KDM2A: variants seen among roughly 807,000 people sequenced by gnomAD.
KDM2A encodes the protein lysine demethylase 2A.
A neutral mutation model predicts 137.3 loss-of-function variants in KDM2A; 3 were observed. The observed-to-expected ratio is 0.02, with a 90% CI of 0.01 to 0.06. The LOEUF (loss-of-function observed/expected upper bound fraction) is 0.06. Ranked by LOEUF, KDM2A falls within the 10% of genes least tolerant of loss-of-function variation. The pLI, the probability that KDM2A is intolerant of heterozygous loss-of-function variation, is 1.00. For synonymous variants in KDM2A, 512 were observed against 541.5 expected (o/e 0.95, Z 0.76); for missense variants, 738 against 1,510.6 (o/e 0.49, Z 8.48).
chr11:67,226,581 G>A (rs1182130368), intron 10 of KDM2A, among the ~76,000 whole-genome samples: 1 of 151,962 alleles, frequency 6.6e-6, no homozygotes, highest in African/African-American at 2.4e-5. Context: ...AATTAGCCGG[G>A]CGTGGTGGCG....
chr11:67,204,905 T>C (rs1857756812), intron 5 of KDM2A, among the ~76,000 whole-genome samples: 1 of 152,244 alleles, frequency 6.6e-6, no homozygotes, highest in Non-Finnish European at 1.5e-5. Context: ...ATTCATATCA[T>C]GGTAAACATT....
chr11:67,192,280 A>AT (rs1205653636), intron 5 of KDM2A, among the ~76,000 whole-genome samples: 2 of 152,110 alleles, frequency 1.3e-5, no homozygotes, highest in Non-Finnish European at 1.5e-5. Flanking sequence ...GTTTTTAAAC[A>AT]TTAACAAATG....
At chr11:67,187,790 T>A (rs969284987) in intron 5 of KDM2A, among the ~76,000 whole-genome samples, 5 of 152,114 alleles carry the variant, frequency 3.3e-5, no homozygotes, top group African/African-American at 1.2e-4. Flanking sequence ...GCCAGGCTGG[T>A]CACAAACTCC....
rs1859168562 is a variant in KDM2A at position 67,245,186 on chromosome 11, C to T, written c.1564-3C>T. ...ATTTGACCTCACTGCTTTCTCTTTCCAGCTTAAATTCCCCACTCGGCCAAA... is the reference window on the plus strand; with the variant it reads ...ATTTGACCTCACTGCTTTCTCTTTCTAGCTTAAATTCCCCACTCGGCCAAA... On this transcript the variant is annotated splice_polypyrimidine_tract_variant and splice_region_variant and intron_variant, in intron 13 of 20. Coordinates refer to ENST00000529006, the MANE Select transcript of KDM2A (RefSeq NM_012308.3). The surrounding 1 kb of genome is among the most constrained non-coding windows in gnomAD (Gnocchi z 4.1). 1 of 1,611,862 alleles carries T rather than the reference C, an allele frequency of 6.2e-7. No homozygotes were observed.
chr11:67,185,637 C>CAA (rs35825424), intron 5 of KDM2A, among the ~76,000 whole-genome samples: 2 of 102,600 alleles, frequency 1.9e-5, no homozygotes, highest in Non-Finnish European at 4.2e-5. Flanking sequence ...AACTCTGTCG[C>CAA]AAAAAAAAAA....
At chr11:67,169,712 T>C (rs1856832493) in intron 2 of KDM2A, among the ~76,000 whole-genome samples, 1 of 146,466 alleles carries the variant, frequency 6.8e-6, no homozygotes, top group African/African-American at 2.4e-5. Context: ...TTTTTCTTTT[T>C]TCTTCTCTCT....
At chr11:67,173,226 A>C (rs935778508) in intron 2 of KDM2A, among the ~76,000 whole-genome samples, 1 of 152,118 alleles carries the variant, frequency 6.6e-6, no homozygotes, top group African/African-American at 2.4e-5. Context: ...GGGTTCAAGC[A>C]ATTCTCCTGC....
chr11:67,250,530 C>A lies in KDM2A; in HGVS notation c.2500C>A (p.Arg834Ser), dbSNP rs890919259. The change falls in exon 17 of 21, where the codon CGT (arginine) becomes AGT (serine). Residue 834 changes from arginine (R) to serine (S), a missense_variant. Transcript: ENST00000529006. The surrounding 1 kb of genome is among the most constrained non-coding windows in gnomAD (Gnocchi z 7.1). Reference protein sequence around the residue: ...ASSANLRHSPRVLVQHCPART... With the variant: ...ASSANLRHSPSVLVQHCPART... ...CTCTGCCAACCTTCGCCATTCCCCC[C>A]GTGTGCTAGTGCAGCACTGCCCAGC... is the stretch of plus-strand genomic sequence containing the variant. The A allele has an allele frequency of 6.2e-7, 1 of 1,613,878 alleles. No individual in the cohort carries two copies. Among genetic ancestry groups the A allele is most frequent in the Admixed American group, 1.7e-5 (1 of 60,000 alleles).
intron 10 of KDM2A, among the ~76,000 whole-genome samples, chr11:67,227,786 G>A (rs1277207902): frequency 6.6e-6 from 1 of 152,058 alleles, no homozygotes; most frequent in African/African-American, 2.4e-5. Context: ...GGTCAGGCTG[G>A]TCGCGAACTC....
intron 5 of KDM2A, among the ~76,000 whole-genome samples, chr11:67,187,548 T>TATTTATTTA (rs534066935): frequency 1.4e-5 from 2 of 147,476 alleles, no homozygotes; most frequent in African/African-American, 5.1e-5. Context: ...ATTTAATTGA[T>TATTTATTTA]TTTATTTATT....
At chr11:67,217,601 T>G in intron 8 of KDM2A, 130 bp from the exon 9 acceptor site, 2 of 831,232 alleles carry the variant, frequency 2.4e-6, no homozygotes, top group Non-Finnish European at 3.9e-6. Context: ...ATAGTCAAGT[T>G]CTATAGGCTG....
At chr11:67,201,528 T>C (rs1042782255) in intron 5 of KDM2A, among the ~76,000 whole-genome samples, 1 of 151,716 alleles carries the variant, frequency 6.6e-6, no homozygotes, top group Non-Finnish European at 1.5e-5. Context: ...CCTAGCAGTT[T>C]GGGAGGCCAA....
intron 2 of KDM2A, among the ~76,000 whole-genome samples, chr11:67,175,444 G>A (rs1211466540): frequency 1.3e-5 from 2 of 152,110 alleles, no homozygotes; most frequent in South Asian, 2.1e-4. Context: ...AAAAAAACCA[G>A]CACACACACA....
In KDM2A at chr11:67,228,311, C is replaced by T; in HGVS notation, c.1084+148C>T. The T allele has an allele frequency of 1.2e-5, 10 of 800,738 alleles. No homozygotes were observed. The South Asian group carries it at 1.8e-4, about 14-fold the overall frequency. 49.6% of individuals were successfully genotyped at this position (800,738 alleles called of 1,614,324 possible). ...CAAATTCATCACTGGAATTGAATAC[C>T]AGTTACCTACCCAGATGTGAGTTAA... is the stretch of plus-strand genomic sequence containing the variant. On this transcript the variant is annotated intron_variant, in intron 11 of 20. Transcript: ENST00000529006.
chr11:67,141,621 C>T (rs1018191192), intron 2 of KDM2A, among the ~76,000 whole-genome samples: 3 of 134,930 alleles, frequency 2.2e-5, no homozygotes, highest in African/African-American at 8.4e-5. Context: ...GAGCTGAGAT[C>T]GTGCCACTGT....
intron 15 of KDM2A, among the ~76,000 whole-genome samples, chr11:67,247,077 T>TATATATAA (rs1198408004): frequency 1.1e-4 from 8 of 72,790 alleles, no homozygotes; most frequent in African/African-American, 2.6e-4. Flanking sequence ...ATATATTTTT[T>TATATATAA]TTTTTTTTTT....
chr11:67,254,130 T>C lies in KDM2A; in HGVS notation c.3092-73T>C, dbSNP rs548379346. ...AGGGGGCCTGGCCAGCAAGTAGCTG[T>C]TGCTGCCTGGAGCCTTGAAGCTGGA... On this transcript the variant is annotated intron_variant, in intron 19 of 20. Coordinates refer to ENST00000529006, the MANE Select transcript of KDM2A (RefSeq NM_012308.3). The surrounding 1 kb of genome is among the most constrained non-coding windows in gnomAD (Gnocchi z 4.7). The C allele has an allele frequency of 1.0e-5, 14 of 1,390,108 alleles. No homozygotes were observed. Among genetic ancestry groups the C allele is most frequent in the African/African-American group, 1.4e-5 (1 of 70,250 alleles). 86.1% of individuals were successfully genotyped at this position (1,390,108 alleles called of 1,614,324 possible).
chr11:67,209,059 C>G (rs1455493028), intron 6 of KDM2A, among the ~76,000 whole-genome samples: 2 of 151,614 alleles, frequency 1.3e-5, no homozygotes, highest in Non-Finnish European at 1.5e-5. Flanking sequence ...CCTCAGCCTC[C>G]TGAGTAGCTG....
rs71457763 is a variant in KDM2A at position 67,224,322 on chromosome 11, T to C, written c.958-3715T>C. 3.3e-3 allele frequency among the ~76,000 whole-genome samples: 506 copies of C among 152,278 alleles called. 1 individual carries two copies. Among genetic ancestry groups the C allele is most frequent in the Non-Finnish European group, 6.4e-3 (433 of 68,020 alleles). On this transcript the variant is annotated intron_variant, in intron 10 of 20. Coordinates refer to ENST00000529006, the MANE Select transcript of KDM2A (RefSeq NM_012308.3). Reference sequence around the variant, plus strand: ...ATGGCCTCTCTAAAAGAAAGCTGTATGGCCAGATATGGTGGTTCATGCCTA... The same window carrying C: ...ATGGCCTCTCTAAAAGAAAGCTGTACGGCCAGATATGGTGGTTCATGCCTA...
Sources: allele counts gnomAD v4.1 joint callset (sites outside exome capture counted in the v4.1 genomes callset), GRCh38; gene constraint gnomAD v4.1.1; non-coding constraint Gnocchi (gnomAD v3.1); transcripts MANE v1.5; gene names NCBI Gene and HGNC (gene_info 2026-07-23, HGNC 2026-07-21).